AKAP10: variants seen among roughly 807,000 people sequenced by gnomAD.
AKAP10 encodes the protein A-kinase anchor protein 10, mitochondrial.
Under a neutral mutation model 80.8 loss-of-function variants are expected in AKAP10, and 24 were observed. The ratio of observed to expected loss-of-function variants is 0.30; its 90% CI spans 0.22 to 0.42. AKAP10 has a LOEUF of 0.42. Ranked by LOEUF, AKAP10 falls within the 10% of genes least tolerant of loss-of-function variation. The pLI, the probability that AKAP10 is intolerant of heterozygous loss-of-function variation, is 1.00. For synonymous variants in AKAP10, 291 were observed against 277.7 expected, an observed-to-expected ratio of 1.05 and a Z score of -0.48; for missense variants, 661 against 794.9, an observed-to-expected ratio of 0.83 and a Z score of 2.03.
chr17:19,904,355 A>G lies in AKAP10; in HGVS notation c.*1872T>C, dbSNP rs765522558. 8 of 152,240 alleles carry G rather than the reference A, an allele frequency of 5.3e-5. No homozygotes were observed. The highest frequency in any genetic ancestry group is 1.2e-4 in the Non-Finnish European group (8 of 68,042). The allele number at this position is 152,240 out of a possible 1,614,324, so 9.4% of individuals were successfully genotyped here. ...TACAACTACTTGGCATCTCTAGCTC[A>G]GAAGCACAAAATGTATATACAAAGA... On this transcript the variant is annotated 3_prime_UTR_variant, in exon 15 of 15. Coordinates refer to ENST00000225737, the MANE Select transcript of AKAP10 (RefSeq NM_007202.4).
intron 2 of AKAP10, chr17:19,968,125 C>T (rs886294920): frequency 8.5e-6 from 2 of 234,600 alleles, no homozygotes; most frequent in Non-Finnish European, 7.9e-6. Flanking sequence ...GGTGTGAACC[C>T]GGGAGACAGA....
chr17:19,918,765 A>C (rs1455196213), intron 12 of AKAP10, among the ~76,000 whole-genome samples: 2 of 152,220 alleles, frequency 1.3e-5, no homozygotes, highest in Non-Finnish European at 2.9e-5. Flanking sequence ...TTTGTTTCTG[A>C]AATCTTCCTG....
chr17:19,909,981 A>G lies in AKAP10; in HGVS notation c.1835-3T>C, dbSNP rs780624161. On this transcript the variant is annotated splice_polypyrimidine_tract_variant and splice_region_variant and intron_variant, in intron 12 of 14. Coordinates refer to ENST00000225737, the MANE Select transcript of AKAP10 (RefSeq NM_007202.4). ...CATAGCTTGTGAGAACATGGATCCT[A>G]GTAAACAAAGACAAAATTGAATGTA... The G allele has an allele frequency of 9.9e-6, 16 of 1,613,308 alleles. No homozygotes were observed. The highest frequency in any genetic ancestry group is 1.4e-5 in the Non-Finnish European group (16 of 1,179,630).
intron 5 of AKAP10, among the ~76,000 whole-genome samples, chr17:19,943,352 T>C (rs1463356787): frequency 6.6e-6 from 1 of 152,158 alleles, no homozygotes; most frequent in Admixed American, 6.5e-5. Context: ...CTTTCAGCCC[T>C]ACCCACCAAC....
chr17:19,936,565 G>A, intron 8 of AKAP10, 135 bp from the exon 9 acceptor site: 1 of 839,032 alleles, frequency 1.2e-6, no homozygotes, highest in Non-Finnish European at 1.8e-6. Flanking sequence ...GCTATGTGAT[G>A]ACAGTGCTGA....
At chr17:19,930,472 G>A (rs969989732) in intron 10 of AKAP10, among the ~76,000 whole-genome samples, 5 of 151,998 alleles carry the variant, frequency 3.3e-5, no homozygotes, top group East Asian at 1.9e-4. Flanking sequence ...AATGCAAAAC[G>A]AAATCAAAAG....
intron 11 of AKAP10, among the ~76,000 whole-genome samples, chr17:19,920,979 T>C (rs2042807438): frequency 6.9e-6 from 1 of 144,786 alleles, no homozygotes; most frequent in Non-Finnish European, 1.5e-5. Flanking sequence ...TTTTGAATAA[T>C]GAAGTGTCAT....
At chr17:19,919,451 A>T (rs1259194797) in intron 12 of AKAP10, among the ~76,000 whole-genome samples, 1 of 152,204 alleles carries the variant, frequency 6.6e-6, no homozygotes, top group Non-Finnish European at 1.5e-5. Context: ...TGGGAAGCCA[A>T]GGCGGATGGA....
At chr17:19,972,907 C>T (rs2043517362) in intron 1 of AKAP10, among the ~76,000 whole-genome samples, 1 of 152,122 alleles carries the variant, frequency 6.6e-6, no homozygotes, top group Non-Finnish European at 1.5e-5. Flanking sequence ...TTTTAACATT[C>T]CAGGCTCTTA....
rs1204365004 is a variant in AKAP10 at position 19,968,600 on chromosome 17, G to A, written c.89-139C>T. ...ATGGACAGCCTTGGAGGAGGGCACA[G>A]GAGGGTAGTTGTCAGCAAAGGCTTC... is the stretch of plus-strand genomic sequence containing the variant. On this transcript the variant is annotated intron_variant, in intron 1 of 14. Coordinates refer to ENST00000225737, the MANE Select transcript of AKAP10 (RefSeq NM_007202.4). The A allele has an allele frequency of 4.6e-6, 3 of 652,680 alleles. No homozygotes were observed. The African/African-American group carries it at 5.5e-5, about 12-fold the overall frequency. 40.4% of individuals were successfully genotyped at this position (652,680 alleles called of 1,614,324 possible).
chr17:19,917,741 C>G (rs1340853195), intron 12 of AKAP10, among the ~76,000 whole-genome samples: 2 of 151,834 alleles, frequency 1.3e-5, no homozygotes, highest in African/African-American at 4.8e-5. Context: ...GTCAACATAG[C>G]AAAACCCCAT....
At position 19,906,073 on chromosome 17, in the gene AKAP10, G is replaced by T; in HGVS notation, c.*154C>A. On this transcript the variant is annotated 3_prime_UTR_variant, in exon 15 of 15. Coordinates refer to ENST00000225737, the MANE Select transcript of AKAP10 (RefSeq NM_007202.4). ...TGCCTACAGGTAACTGCATTATGGT[G>T]GAAGTCTAGGATTGTCTCCCATTCT... 1.3e-6 allele frequency: 1 copy of T among 754,820 alleles called. No homozygotes were observed. Among genetic ancestry groups the T allele is most frequent in the Non-Finnish European group, 2.1e-6 (1 of 467,690 alleles). The allele number at this position is 754,820 out of a possible 1,614,324, so 46.8% of individuals were successfully genotyped here. A position where few individuals can be genotyped will look rare whatever the true frequency, so the allele number is the denominator to read the frequency against.
chr17:19,950,399 C>A (rs1263261453), intron 4 of AKAP10, among the ~76,000 whole-genome samples: 1 of 152,240 alleles, frequency 6.6e-6, no homozygotes, highest in Non-Finnish European at 1.5e-5. Context: ...CGGCTCACTG[C>A]AACCTCCCTG....
At chr17:19,922,184 G>C (rs2042824857) in intron 11 of AKAP10, among the ~76,000 whole-genome samples, 1 of 152,074 alleles carries the variant, frequency 6.6e-6, no homozygotes, top group South Asian at 2.1e-4. Context: ...TGAGGAAGGT[G>C]GATCACTTGA....
At chr17:19,934,198 G>C (rs1195337871) in intron 9 of AKAP10, among the ~76,000 whole-genome samples, 1 of 152,188 alleles carries the variant, frequency 6.6e-6, no homozygotes, top group Non-Finnish European at 1.5e-5. Context: ...TGGGATTACA[G>C]ATGTGAGTCG....
At chr17:19,912,819 C>T (rs1161954595) in intron 12 of AKAP10, among the ~76,000 whole-genome samples, 2 of 152,076 alleles carry the variant, frequency 1.3e-5, no homozygotes, top group East Asian at 1.9e-4. Context: ...CAGCTGCCCT[C>T]AATAAGGAAG....
At chr17:19,924,283 C>T (rs1597495038) in intron 11 of AKAP10, 125 bp downstream of exon 11, 2 of 623,460 alleles carry the variant, frequency 3.2e-6, no homozygotes, top group Non-Finnish European at 5.2e-6. Context: ...TTATACTGCA[C>T]ACTCTAAGTG....
rs994913047 is a variant in AKAP10 at position 19,941,107 on chromosome 17, A to C, written c.1062-97T>G. ...TTCCATACTGTCCCTATTGTATCTT[A>C]AAGGCCTAGGTCAACACTACCTTAC... On this transcript the variant is annotated intron_variant, in intron 6 of 14. Coordinates refer to ENST00000225737, the MANE Select transcript of AKAP10 (RefSeq NM_007202.4). 6.0e-6 allele frequency: 8 copies of C among 1,339,210 alleles called. No homozygotes were observed. The African/African-American group carries it at 1.2e-4, about 20-fold the overall frequency. The allele number at this position is 1,339,210 out of a possible 1,614,324, so 83.0% of individuals were successfully genotyped here. A position where few individuals can be genotyped will look rare whatever the true frequency, so the allele number is the denominator to read the frequency against.
intron 10 of AKAP10, among the ~76,000 whole-genome samples, chr17:19,930,471 C>G (rs185411725): frequency 6.6e-6 from 1 of 151,974 alleles, no homozygotes; most frequent in Non-Finnish European, 1.5e-5. Context: ...TAATGCAAAA[C>G]GAAATCAAAA....
Sources: allele counts gnomAD v4.1 joint callset (sites outside exome capture counted in the v4.1 genomes callset), GRCh38; gene constraint gnomAD v4.1.1; transcripts MANE v1.5; gene names NCBI Gene and HGNC (gene_info 2026-07-23, HGNC 2026-07-21).